Variants in PCDHGA11 observed in about 807,000 individuals in gnomAD.
PCDHGA11 encodes the protein protocadherin gamma subfamily A, 11.
A neutral mutation model predicts 60.4 loss-of-function variants in PCDHGA11; 39 were observed. That is an observed-to-expected ratio of 0.65 (90% CI 0.50 to 0.84). The LOEUF is 0.84. Ranked by LOEUF, PCDHGA11 falls within the 40% of genes least tolerant of loss-of-function variation. The pLI is 0.00. For synonymous variants in PCDHGA11, 533 were observed against 510.3 expected (o/e 1.04, Z -0.60); for missense variants, 1,165 against 1,197.7 (o/e 0.97, Z 0.40).
At chr5:141,450,831 T>TATA (rs761717068) in intron 1 of PCDHGA11, among the ~76,000 whole-genome samples, 3 of 144,648 alleles carry the variant, frequency 2.1e-5, no homozygotes, top group Non-Finnish European at 4.5e-5. Flanking sequence ...TTATTATTAT[T>TATA]TTTTTTTTTT....
intron 1 of PCDHGA11, among the ~76,000 whole-genome samples, chr5:141,471,744 A>G (rs2099263733): frequency 6.6e-6 from 1 of 152,208 alleles, no homozygotes; most frequent in South Asian, 2.1e-4. Context: ...GAGACATAAC[A>G]TATTTGAGGG....
At chr5:141,505,143 CAG>C (rs1332770308) in intron 2 of PCDHGA11, among the ~76,000 whole-genome samples, 1 of 152,172 alleles carries the variant, frequency 6.6e-6, no homozygotes, top group Non-Finnish European at 1.5e-5. Context: ...GCCTGGATGA[CAG>C]AGTAAGACCC....
intron 1 of PCDHGA11, chr5:141,440,087 A>C (rs1014881024): frequency 6.6e-6 from 1 of 152,316 alleles, no homozygotes; most frequent in African/African-American, 2.4e-5. Context: ...CTTCATTCTA[A>C]GTGGGGAAAG....
chr5:141,422,272 A>G lies in PCDHGA11; in HGVS notation c.1045A>G (p.Thr349Ala). 6.4e-7 allele frequency: 1 copy of G among 1,561,362 alleles called. No homozygotes were observed. Among genetic ancestry groups the G allele is most frequent in the Non-Finnish European group, 8.6e-7 (1 of 1,159,998 alleles). Residue 349 changes from threonine to alanine, a missense_variant, in exon 1 of 4, where the codon ACT becomes GCT. By Grantham distance (58) the Thr-to-Ala change is moderately conservative. Coordinates refer to ENST00000398587, the MANE Select transcript of PCDHGA11 (RefSeq NM_018914.3). Reference sequence around the variant, plus strand: ...TGTGAATGATAACGCTCCAGAAATAACTATCACCTCTTCTATTAATTCAAT... The same window carrying G: ...TGTGAATGATAACGCTCCAGAAATAGCTATCACCTCTTCTATTAATTCAAT... ...VDVNDNAPEI[T>A]ITSSINSILE...
At chr5:141,471,901 G>C (rs1224804131) in intron 1 of PCDHGA11, among the ~76,000 whole-genome samples, 1 of 152,146 alleles carries the variant, frequency 6.6e-6, no homozygotes, top group Non-Finnish European at 1.5e-5. Context: ...ATTGACTACA[G>C]ACAAGCATGA....
At chr5:141,501,313 ACAC>A (rs2099807743) in intron 2 of PCDHGA11, among the ~76,000 whole-genome samples, 1 of 151,686 alleles carries the variant, frequency 6.6e-6, no homozygotes, top group Non-Finnish European at 1.5e-5. Context: ...ACACACACAC[ACAC>A]ACACACACAC....
At position 141,473,299 on chromosome 5, in the gene PCDHGA11, G is replaced by A. The variant is rs182316672; in HGVS notation, c.2434-21508G>A. The stretch of plus-strand genomic sequence containing the variant: ...TATTTTACTATGTCAGTAGCATAAA[G>A]ATTGCTATATTAATAAGCATTAAGT... On this transcript the variant is annotated intron_variant, in intron 1 of 3. Coordinates refer to ENST00000398587, the MANE Select transcript of PCDHGA11 (RefSeq NM_018914.3). 5.6e-4 allele frequency among the ~76,000 whole-genome samples: 86 copies of A among 152,346 alleles called. 1 individual carries two copies. The highest frequency in any genetic ancestry group is 1.9e-3 in the African/African-American group (81 of 41,572).
At position 141,431,367 on chromosome 5, in the gene PCDHGA11, A is replaced by G; in HGVS notation, c.2433+7707A>G. 1.2e-6 allele frequency: 2 copies of G among 1,613,984 alleles called. No homozygotes were observed. The highest frequency in any genetic ancestry group is 2.2e-5 in the South Asian group (2 of 91,084). On this transcript the variant is annotated intron_variant, in intron 1 of 3. Coordinates refer to ENST00000398587, the MANE Select transcript of PCDHGA11 (RefSeq NM_018914.3). This position sits in a 1 kb window ranked among gnomAD's most constrained non-coding sequence, Gnocchi z 4.8. ...GTGCTGAAACGCGCCCTGGACCGCGAAGAAAAGGCTGCTCACCACCTGGTC... is the reference window on the plus strand; with the variant it reads ...GTGCTGAAACGCGCCCTGGACCGCGGAGAAAAGGCTGCTCACCACCTGGTC...
intron 1 of PCDHGA11, chr5:141,478,265 G>A: frequency 6.2e-7 from 1 of 1,614,196 alleles, no homozygotes; most frequent in African/African-American, 1.3e-5. Context: ...CATATTCAAA[G>A]TTTACAAGTG....
chr5:141,437,638 A>G (rs192433359), intron 1 of PCDHGA11, among the ~76,000 whole-genome samples: 1 of 152,250 alleles, frequency 6.6e-6, no homozygotes, highest in Admixed American at 6.5e-5. Context: ...TGTCAGGTTC[A>G]GAAAAGCAAA....
Position 141,485,495 on chromosome 5 carries a change from T to C in PCDHGA11, c.2434-9312T>C. 1 of 1,613,494 alleles carries C rather than the reference T, an allele frequency of 6.2e-7. No homozygotes were observed. Among genetic ancestry groups the C allele is most frequent in the African/African-American group, 1.3e-5 (1 of 74,780 alleles). On this transcript the variant is annotated intron_variant, in intron 1 of 3. Coordinates refer to ENST00000398587, the MANE Select transcript of PCDHGA11 (RefSeq NM_018914.3). This position sits in a 1 kb window ranked among gnomAD's most constrained non-coding sequence, Gnocchi z 5.7. ...TGCCAGCTGCATCGTGCCCCTGGAG[T>C]TTGTCACCGAAGGTCCTTTGGAAAT...
intron 1 of PCDHGA11, chr5:141,427,848 C>A: frequency 6.4e-7 from 1 of 1,551,668 alleles, no homozygotes; most frequent in Non-Finnish European, 8.8e-7. Flanking sequence ...CGACCACGAG[C>A]AGCTGTGCGC....
At chr5:141,494,676 CT>C (rs2099756021) in intron 1 of PCDHGA11, 130 bp from the exon 2 acceptor site, 6 of 1,550,918 alleles carry the variant, frequency 3.9e-6, no homozygotes, top group Non-Finnish European at 4.4e-6. Context: ...GAGTCCACCC[CT>C]GCCCCCTCTT....
intron 1 of PCDHGA11, among the ~76,000 whole-genome samples, chr5:141,457,465 A>G (rs915755113): frequency 1.3e-5 from 2 of 152,194 alleles, no homozygotes; most frequent in African/African-American, 2.4e-5. Context: ...GATTCACAGG[A>G]ATAAGCAGGG....
chr5:141,428,324 T>C, intron 1 of PCDHGA11: 1 of 642,806 alleles, frequency 1.6e-6, no homozygotes, highest in Non-Finnish European at 2.8e-6. Flanking sequence ...TTGGCCTTGA[T>C]TTCTATGCTC....
chr5:141,443,029 C>A (rs1281303741), intron 1 of PCDHGA11, among the ~76,000 whole-genome samples: 1 of 152,192 alleles, frequency 6.6e-6, no homozygotes, highest in Admixed American at 6.5e-5. Flanking sequence ...AGTTGCCAGA[C>A]CTAAACTTTG....
In PCDHGA11 at chr5:141,432,460, C is replaced by T; in HGVS notation, c.2433+8800C>T. The T allele has an allele frequency of 6.2e-7, 1 of 1,614,208 alleles. No homozygotes were observed. The highest frequency in any genetic ancestry group is 8.5e-7 in the Non-Finnish European group (1 of 1,180,044). On this transcript the variant is annotated intron_variant, in intron 1 of 3. Transcript: ENST00000398587. This position sits in a 1 kb window ranked among gnomAD's most constrained non-coding sequence, Gnocchi z 6.0. ...CGCCCGAGATCCTGTACCCCGCCCTCCCCACGGACGGTTCCACTGGCGTGG... is the reference window on the plus strand; with the variant it reads ...CGCCCGAGATCCTGTACCCCGCCCTTCCCACGGACGGTTCCACTGGCGTGG...
intron 1 of PCDHGA11, among the ~76,000 whole-genome samples, chr5:141,488,661 G>T (rs573211567): frequency 6.6e-6 from 1 of 152,246 alleles, no homozygotes; most frequent in African/African-American, 2.4e-5. Context: ...GGAGGGTGGG[G>T]GAATACATGG....
At chr5:141,462,100 G>T (rs1202526885) in intron 1 of PCDHGA11, among the ~76,000 whole-genome samples, 1 of 152,164 alleles carries the variant, frequency 6.6e-6, no homozygotes, top group Non-Finnish European at 1.5e-5. Flanking sequence ...TGGGATTACA[G>T]GCATGAGCCA....
Sources: allele counts gnomAD v4.1 joint callset (sites outside exome capture counted in the v4.1 genomes callset), GRCh38; gene constraint gnomAD v4.1.1; non-coding constraint Gnocchi (gnomAD v3.1); transcripts MANE v1.5; gene names NCBI Gene and HGNC (gene_info 2026-07-23, HGNC 2026-07-21).